Variants in SGCD observed in about 807,000 individuals in gnomAD.
The protein encoded by SGCD is delta-sarcoglycan.
In SGCD, 18 loss-of-function variants were observed where a neutral mutation model predicts 36.6. That is an observed-to-expected ratio of 0.49 (90% CI 0.34 to 0.73). SGCD has a LOEUF of 0.73. Ranked by LOEUF, SGCD falls within the 30% of genes least tolerant of loss-of-function variation. The pLI, the probability that SGCD is intolerant of heterozygous loss-of-function variation, is 0.01. For synonymous variants in SGCD, 133 were observed against 130.6 expected (o/e 1.02, Z -0.12); for missense variants, 387 against 346.7 (o/e 1.12, Z -0.92).
chr5:155,926,372 A>G (rs1420100090), intron 1 of SGCD, among the ~76,000 whole-genome samples: 2 of 152,170 alleles, frequency 1.3e-5, no homozygotes, highest in African/African-American at 4.8e-5. Flanking sequence ...GGTTCCAAAT[A>G]TGGTGCTCTT....
intron 6 of SGCD, among the ~76,000 whole-genome samples, chr5:156,622,559 G>T (rs760595167): frequency 1.5e-4 from 23 of 150,668 alleles, no homozygotes; most frequent in Admixed American, 5.3e-4. Context: ...TTGTAAAAAA[G>T]AAAAGCATTG....
At chr5:155,809,230 G>A in the SGCD span, among the ~76,000 whole-genome samples, 1 of 152,306 alleles carries the variant, frequency 6.6e-6, no homozygotes, top group East Asian at 1.9e-4. Context: ...GACTGGCACT[G>A]GAAGCGATGT....
intron 1 of SGCD, among the ~76,000 whole-genome samples, chr5:155,882,879 C>A (rs1755919934): frequency 6.6e-6 from 1 of 152,192 alleles, no homozygotes; most frequent in Non-Finnish European, 1.5e-5. Flanking sequence ...CGGGCATTGA[C>A]TTTTGCTCTC....
chr5:156,303,799 C>T (rs1184876235), intron 3 of SGCD, among the ~76,000 whole-genome samples: 1 of 151,560 alleles, frequency 6.6e-6, no homozygotes, highest in Admixed American at 6.6e-5. Context: ...CACTTGGTAA[C>T]CTCTTTTAAG....
the SGCD span, among the ~76,000 whole-genome samples, chr5:155,853,785 A>C: frequency 6.6e-6 from 1 of 152,160 alleles, no homozygotes; most frequent in Non-Finnish European, 1.5e-5. Flanking sequence ...TAGCCCATGT[A>C]CTACATTTCT....
At chr5:156,461,621 G>A (rs1045494840) in intron 3 of SGCD, among the ~76,000 whole-genome samples, 22 of 151,652 alleles carry the variant, frequency 1.5e-4, no homozygotes, top group Middle Eastern at 3.4e-3. Flanking sequence ...TTTTTCTCGG[G>A]TCCTTTCCCT....
At chr5:156,287,010 A>T (rs1213874420) in intron 3 of SGCD, among the ~76,000 whole-genome samples, 2 of 152,038 alleles carry the variant, frequency 1.3e-5, no homozygotes, top group Admixed American at 1.3e-4. Flanking sequence ...AGAGACAAAA[A>T]CCCATGCTTT....
intron 3 of SGCD, among the ~76,000 whole-genome samples, chr5:156,246,547 T>C (rs932368675): frequency 1.3e-5 from 2 of 152,114 alleles, no homozygotes; most frequent in African/African-American, 4.8e-5. Flanking sequence ...AACAGATTGA[T>C]TTAGGAAGTT....
intron 1 of SGCD, among the ~76,000 whole-genome samples, chr5:155,975,618 T>C (rs1227805912): frequency 6.4e-5 from 5 of 78,062 alleles, no homozygotes; most frequent in Non-Finnish European, 1.2e-4. Context: ...CCTTTTTTTT[T>C]TTTTTTTTTT....
chr5:156,654,059 T>G (rs962432924), intron 7 of SGCD, among the ~76,000 whole-genome samples: 1 of 152,014 alleles, frequency 6.6e-6, no homozygotes, highest in Non-Finnish European at 1.5e-5. Context: ...ATCTGCAGAT[T>G]CACTAAAAAT....
intron 1 of SGCD, among the ~76,000 whole-genome samples, chr5:155,907,388 T>G (rs1756541252): frequency 6.6e-6 from 1 of 152,102 alleles, no homozygotes; most frequent in Admixed American, 6.6e-5. Context: ...GTCTTATTAT[T>G]TAGGAAAACA....
chr5:156,080,572 C>T (rs1001422591), intron 1 of SGCD, among the ~76,000 whole-genome samples: 6 of 152,172 alleles, frequency 3.9e-5, no homozygotes, highest in African/African-American at 7.2e-5. Context: ...GCAGCCAGGC[C>T]ATTTCTTGAA....
intron 1 of SGCD, among the ~76,000 whole-genome samples, chr5:156,018,926 T>C (rs1006253300): frequency 1.3e-5 from 2 of 152,230 alleles, no homozygotes; most frequent in Admixed American, 6.5e-5. Flanking sequence ...ATTTTAACCA[T>C]GTAATTTTAT....
At chr5:156,263,073 C>A (rs528276993) in intron 3 of SGCD, among the ~76,000 whole-genome samples, 4 of 151,942 alleles carry the variant, frequency 2.6e-5, no homozygotes, top group African/African-American at 7.2e-5. Flanking sequence ...GTGCAAGTAC[C>A]TTTTTTTATC....
intron 6 of SGCD, among the ~76,000 whole-genome samples, chr5:156,611,815 A>G (rs1485928047): frequency 1.3e-5 from 2 of 152,180 alleles, no homozygotes; most frequent in African/African-American, 2.4e-5. Flanking sequence ...ATTTCAAAAT[A>G]CCTGTCTTCA....
intron 3 of SGCD, among the ~76,000 whole-genome samples, chr5:156,136,167 C>T (rs1452506384): frequency 6.6e-6 from 1 of 152,140 alleles, no homozygotes; most frequent in East Asian, 1.9e-4. Flanking sequence ...GCCTAGGATG[C>T]AGTGGTGCAG....
At chr5:156,682,165 C>G (rs1015162041) in intron 7 of SGCD, among the ~76,000 whole-genome samples, 5 of 152,102 alleles carry the variant, frequency 3.3e-5, no homozygotes, top group Non-Finnish European at 7.4e-5. Context: ...GGATTTGTAA[C>G]TTAAAAAGAG....
At chr5:156,289,804 C>T (rs1216232910) in intron 3 of SGCD, among the ~76,000 whole-genome samples, 1 of 152,058 alleles carries the variant, frequency 6.6e-6, no homozygotes, top group African/African-American at 2.4e-5. Context: ...CAGGTGTGAG[C>T]CACCATGCCT....
At chr5:156,434,876 G>A (rs181067375) in intron 3 of SGCD, among the ~76,000 whole-genome samples, 2 of 152,304 alleles carry the variant, frequency 1.3e-5, no homozygotes, top group East Asian at 1.9e-4. Context: ...AGAGCTGGAG[G>A]AGAAAATTGG....
Sources: gnomAD v4.1 joint callset for allele counts (sites outside exome capture counted in the v4.1 genomes callset) on GRCh38, gnomAD v4.1.1 for gene constraint, MANE v1.5 for transcripts, NCBI Gene and HGNC (gene_info 2026-07-23, HGNC 2026-07-21) for gene names.